Variants in POLR2B observed in about 807,000 individuals in gnomAD.
POLR2B encodes DNA-directed RNA polymerase II subunit RPB2.
POLR2B carries 57 observed loss-of-function variants against 144.6 expected under a neutral mutation model. The observed-to-expected ratio is 0.39, with a 90% CI of 0.32 to 0.49. The LOEUF (loss-of-function observed/expected upper bound fraction) is 0.49. POLR2B is among the 20% of genes least tolerant of loss of function. POLR2B has a pLI of 0.83. For missense variants in POLR2B, 595 were observed against 1,467.4 expected (o/e 0.41, Z 9.71); for synonymous variants, 442 against 469.8 (o/e 0.94, Z 0.77).
intron 1 of POLR2B, among the ~76,000 whole-genome samples, chr4:56,982,480 G>A (rs1022361464): frequency 3.3e-5 from 5 of 152,014 alleles, no homozygotes; most frequent in Non-Finnish European, 5.9e-5. Flanking sequence ...ACTGAGGTGG[G>A]AGGACTGCTT....
rs751444660 is a variant in POLR2B at position 56,986,403 on chromosome 4, A to G, written c.69A>G (p.Gln23=). ...DDDEITPDLW[Q]EACWIVISSY... ...ATGAAATCACCCCGGATTTGTGGCA[A>G]GAAGCATGCTGGATTGTAATCAGGT... Residue 23 remains glutamine (Q), a synonymous_variant, in exon 2 of 25, where the codon CAA becomes CAG. Coordinates refer to ENST00000314595, the MANE Select transcript of POLR2B (RefSeq NM_000938.3). 1.9e-6 allele frequency: 3 copies of G among 1,612,422 alleles called. No homozygotes were observed. Among genetic ancestry groups the G allele is most frequent in the African/African-American group, 2.7e-5 (2 of 74,910 alleles).
chr4:57,014,287 C>T (rs923521818), intron 13 of POLR2B, among the ~76,000 whole-genome samples: 1 of 151,644 alleles, frequency 6.6e-6, no homozygotes, highest in Admixed American at 6.6e-5. Flanking sequence ...CTCTGCCTCC[C>T]GGGTTCAAGT....
At chr4:56,983,289 A>T (rs1384606625) in intron 1 of POLR2B, among the ~76,000 whole-genome samples, 5 of 150,178 alleles carry the variant, frequency 3.3e-5, no homozygotes, top group Non-Finnish European at 5.9e-5. Context: ...TCTATTTGGT[A>T]GGATTCTTTC....
intron 10 of POLR2B, among the ~76,000 whole-genome samples, chr4:57,007,983 A>G (rs1373403291): frequency 6.6e-6 from 1 of 152,150 alleles, no homozygotes; most frequent in Non-Finnish European, 1.5e-5. Context: ...GGGGCTACTG[A>G]TAGCAAAGTT....
chr4:56,986,368 G>C lies in POLR2B; in HGVS notation c.34G>C (p.Glu12Gln). 1 of 1,609,704 alleles carries C rather than the reference G, an allele frequency of 6.2e-7. No individual in the cohort carries two copies. The highest frequency in any genetic ancestry group is 8.5e-7 in the Non-Finnish European group (1 of 1,176,106). The part of the protein sequence containing the change: ...YDADEDMQYD[E>Q]DDDEITPDLW... ...TGTTTTTACAGATATGCAATATGATGAGGATGATGATGAAATCACCCCGGA... is the reference window on the plus strand; with the variant it reads ...TGTTTTTACAGATATGCAATATGATCAGGATGATGATGAAATCACCCCGGA... The change falls in exon 2 of 25, where the codon GAG (glutamate) becomes CAG (glutamine). Residue 12 changes from glutamate (E) to glutamine (Q), a missense_variant. Physicochemically the swap from Glu to Gln is conservative, Grantham distance 29. Transcript: ENST00000314595.
chr4:57,020,191 G>A (rs923858786), intron 16 of POLR2B, among the ~76,000 whole-genome samples: 5 of 152,158 alleles, frequency 3.3e-5, no homozygotes, highest in East Asian at 1.9e-4. Context: ...GTGCCACCAC[G>A]CCCAGCTAGT....
intron 3 of POLR2B, among the ~76,000 whole-genome samples, chr4:56,993,541 T>C (rs1722587200): frequency 6.6e-6 from 1 of 152,198 alleles, no homozygotes; most frequent in Admixed American, 6.5e-5. Flanking sequence ...TACTCCTGTT[T>C]TCTTCTCTGA....
At chr4:57,008,312 C>T (rs1315111722) in intron 10 of POLR2B, among the ~76,000 whole-genome samples, 1 of 151,352 alleles carries the variant, frequency 6.6e-6, no homozygotes. Flanking sequence ...ACACCATTCT[C>T]CTGCCTCAGC....
intron 1 of POLR2B, among the ~76,000 whole-genome samples, chr4:56,986,073 C>G (rs1722319265): frequency 6.6e-6 from 1 of 152,206 alleles, no homozygotes; most frequent in East Asian, 1.9e-4. Context: ...TTCTCTGACT[C>G]TAGTGTCTGA....
intron 5 of POLR2B, 136 bp downstream of exon 5, chr4:56,995,002 T>C (rs1560474111): frequency 3.0e-6 from 2 of 664,216 alleles, no homozygotes; most frequent in Admixed American, 3.0e-5. Context: ...TTGTTTAGGG[T>C]ATGACAGCTA....
At chr4:57,009,484 T>C (rs1298744248) in intron 10 of POLR2B, 1 of 152,280 alleles carries the variant, frequency 6.6e-6, no homozygotes, top group African/African-American at 2.4e-5. Flanking sequence ...TTAATAATTC[T>C]GGCAAGTGAA....
At chr4:57,021,090 C>T in intron 17 of POLR2B, 95 bp downstream of exon 17, 1 of 728,822 alleles carries the variant, frequency 1.4e-6, no homozygotes, top group Non-Finnish European at 2.5e-6. Flanking sequence ...AACTACGCCG[C>T]ACTCCAGAAA....
At position 57,017,695 on chromosome 4, in the gene POLR2B, A is replaced by G; in HGVS notation, c.2290A>G (p.Met764Val). The G allele has an allele frequency of 6.2e-7, 1 of 1,613,790 alleles. No homozygotes were observed. The highest frequency in any genetic ancestry group is 8.5e-7 in the Non-Finnish European group (1 of 1,179,866). The change falls in exon 16 of 25, where the codon ATG (methionine) becomes GTG (valine). Residue 764 changes from methionine (M) to valine (V), a missense_variant. Physicochemically the swap from Met to Val is conservative, Grantham distance 21. Coordinates refer to ENST00000314595, the MANE Select transcript of POLR2B (RefSeq NM_000938.3). The surrounding 1 kb of genome is among the most constrained non-coding windows in gnomAD (Gnocchi z 4.8). ...AAAGCCACTTGTGACTACACGGTCT[A>G]TGGAATATCTACGATTTAGAGAGCT... ...PQKPLVTTRS[M>V]EYLRFRELPA... is the part of the protein sequence containing the mutation.
intron 21 of POLR2B, among the ~76,000 whole-genome samples, chr4:57,024,331 A>ATACT (rs3839132): frequency 0.92 from 139,665 of 152,018 alleles, 64,157 homozygotes; most frequent in East Asian, 0.97. Context: ...CATTCAACTA[A>ATACT]TACATATGTG....
intron 1 of POLR2B, among the ~76,000 whole-genome samples, chr4:56,984,080 G>A (rs867942149): frequency 1.3e-5 from 2 of 151,076 alleles, no homozygotes; most frequent in Admixed American, 1.3e-4. Flanking sequence ...GGCCAGGCTG[G>A]TCTCGAACTC....
chr4:57,014,819 A>G (rs745866218), intron 13 of POLR2B, among the ~76,000 whole-genome samples: 1 of 152,118 alleles, frequency 6.6e-6, no homozygotes, highest in Admixed American at 6.5e-5. Context: ...AGCATATTTT[A>G]TTTGACTTGA....
chr4:56,980,656 A>G (rs1722129648), intron 1 of POLR2B, among the ~76,000 whole-genome samples: 1 of 152,100 alleles, frequency 6.6e-6, no homozygotes, highest in South Asian at 2.1e-4. Flanking sequence ...GGAAGTTGAC[A>G]CTGCTATGAG....
At chr4:56,997,926 C>T (rs996433955) in intron 6 of POLR2B, among the ~76,000 whole-genome samples, 3 of 152,086 alleles carry the variant, frequency 2.0e-5, no homozygotes, top group Admixed American at 6.5e-5. Flanking sequence ...CATTCTTTGT[C>T]GAGAGGCATC....
At chr4:57,026,929 A>T (rs888121045) in intron 23 of POLR2B, among the ~76,000 whole-genome samples, 2 of 152,064 alleles carry the variant, frequency 1.3e-5, no homozygotes, top group African/African-American at 4.8e-5. Context: ...CATTCATTCC[A>T]TTGTAGTATT....
Sources: allele counts gnomAD v4.1 joint callset (sites outside exome capture counted in the v4.1 genomes callset), GRCh38; gene constraint gnomAD v4.1.1; non-coding constraint Gnocchi (gnomAD v3.1); transcripts MANE v1.5; gene names NCBI Gene and HGNC (gene_info 2026-07-23, HGNC 2026-07-21).